CAMKMT: variants seen among roughly 807,000 people sequenced by gnomAD.
CAMKMT encodes calmodulin-lysine N-methyltransferase.
CAMKMT carries 53 observed loss-of-function variants against 48.0 expected under a neutral mutation model. The observed-to-expected ratio is 1.10, with a 90% CI of 0.89 to 1.39. The LOEUF is 1.39. Among genes scored for constraint, CAMKMT ranks in the 40% most tolerant of loss-of-function variants. The pLI is 0.00. For synonymous variants in CAMKMT, 165 were observed against 152.3 expected (o/e 1.08, Z -0.61); for missense variants, 428 against 402.7 (o/e 1.06, Z -0.54).
At chr2:44,601,083 A>G (rs547146914) in intron 3 of CAMKMT, among the ~76,000 whole-genome samples, 2 of 152,270 alleles carry the variant, frequency 1.3e-5, no homozygotes, top group Admixed American at 6.5e-5. Flanking sequence ...TAGTTGATAC[A>G]TATAATATAA....
chr2:44,758,260 T>G (rs1680465323), intron 9 of CAMKMT, among the ~76,000 whole-genome samples: 1 of 152,148 alleles, frequency 6.6e-6, no homozygotes, highest in African/African-American at 2.4e-5. Flanking sequence ...AGAAAGTAGA[T>G]GGAGAGGGGG....
At chr2:44,602,983 G>A (rs1292031805) in intron 3 of CAMKMT, among the ~76,000 whole-genome samples, 2 of 151,890 alleles carry the variant, frequency 1.3e-5, no homozygotes, top group Admixed American at 1.3e-4. Context: ...TCTCACCCAA[G>A]TATTTAAGCA....
At chr2:44,678,098 C>T (rs535200374) in intron 3 of CAMKMT, among the ~76,000 whole-genome samples, 75 of 152,210 alleles carry the variant, frequency 4.9e-4, no homozygotes, top group Non-Finnish European at 9.0e-4. Flanking sequence ...TAACTGTGTT[C>T]CTTACCTAGC....
intron 3 of CAMKMT, among the ~76,000 whole-genome samples, chr2:44,481,143 G>C (rs531297933): frequency 1.3e-5 from 2 of 152,088 alleles, no homozygotes; most frequent in Non-Finnish European, 2.9e-5. Flanking sequence ...AATTATATAA[G>C]CAAAAAAGTT....
Position 44,390,226 on chromosome 2 carries a change from T to C in CAMKMT, c.312-15T>C. The C allele has an allele frequency of 1.3e-6, 2 of 1,597,566 alleles. No individual in the cohort carries two copies. Among genetic ancestry groups the C allele is most frequent in the Non-Finnish European group, 1.7e-6 (2 of 1,172,690 alleles). ...ATTTCAGAATCATTAAAGCAAACGCTTTACTCCTTTCTAGGCATAATAGTG... is the reference window on the plus strand; with the variant it reads ...ATTTCAGAATCATTAAAGCAAACGCCTTACTCCTTTCTAGGCATAATAGTG... On this transcript the variant is annotated splice_polypyrimidine_tract_variant and intron_variant, in intron 2 of 10. Coordinates refer to ENST00000378494, the MANE Select transcript of CAMKMT (RefSeq NM_024766.5).
chr2:44,396,424 T>C (rs916180566), intron 3 of CAMKMT, among the ~76,000 whole-genome samples: 6 of 152,114 alleles, frequency 3.9e-5, no homozygotes, highest in Non-Finnish European at 8.8e-5. Flanking sequence ...TGAAAACCTG[T>C]AAGATAGAGA....
At chr2:44,489,545 C>T (rs1481310344) in intron 3 of CAMKMT, among the ~76,000 whole-genome samples, 6 of 152,122 alleles carry the variant, frequency 3.9e-5, no homozygotes, top group South Asian at 4.1e-4. Flanking sequence ...TGCGCCTGGC[C>T]GGAATACTTT....
chr2:44,375,141 C>G (rs1412257324), intron 2 of CAMKMT, among the ~76,000 whole-genome samples: 1 of 150,910 alleles, frequency 6.6e-6, no homozygotes, highest in East Asian at 1.9e-4. Flanking sequence ...GGATTACAGG[C>G]TTGAGCCACC....
At chr2:44,590,041 A>G (rs1009699925) in intron 3 of CAMKMT, among the ~76,000 whole-genome samples, 1 of 151,488 alleles carries the variant, frequency 6.6e-6, no homozygotes, top group African/African-American at 2.4e-5. Flanking sequence ...AGTTTTCTGT[A>G]CATTCCATCA....
chr2:44,706,449 G>A (rs751012129), intron 5 of CAMKMT, 108 bp downstream of exon 5: 3 of 1,062,336 alleles, frequency 2.8e-6, no homozygotes, highest in Non-Finnish European at 4.4e-6. Flanking sequence ...ATCAGCTGCG[G>A]TCAAGCTGCC....
intron 3 of CAMKMT, among the ~76,000 whole-genome samples, chr2:44,575,783 G>A (rs1193006889): frequency 1.3e-5 from 2 of 151,270 alleles, no homozygotes; most frequent in Non-Finnish European, 2.9e-5. Flanking sequence ...CTTGAGCTTC[G>A]GAGGTCAAGA....
At position 44,772,238 on chromosome 2, in the gene CAMKMT, A is replaced by G. The variant is rs1479067401; in HGVS notation, c.*125A>G. On this transcript the variant is annotated 3_prime_UTR_variant, in exon 11 of 11. Coordinates refer to ENST00000378494, the MANE Select transcript of CAMKMT (RefSeq NM_024766.5). Reference sequence around the variant, plus strand: ...CTTTGCAGCATTTCACGTGTGGGCTATGGACTCCACCTGTCCTCACCCACG... The same window carrying G: ...CTTTGCAGCATTTCACGTGTGGGCTGTGGACTCCACCTGTCCTCACCCACG... 5 of 726,444 alleles carry G rather than the reference A, an allele frequency of 6.9e-6. No individual in the cohort carries two copies. The highest frequency in any genetic ancestry group is 2.6e-5 in the East Asian group (1 of 38,310). The allele number at this position is 726,444 out of a possible 1,614,324, so 45.0% of individuals were successfully genotyped here.
chr2:44,760,272 G>A (rs1680561968), intron 9 of CAMKMT, among the ~76,000 whole-genome samples: 1 of 152,078 alleles, frequency 6.6e-6, no homozygotes, highest in Admixed American at 6.5e-5. Flanking sequence ...TGAGTGTGTG[G>A]AGTAAGAAAA....
At chr2:44,511,338 G>T (rs955495496) in intron 3 of CAMKMT, among the ~76,000 whole-genome samples, 1 of 152,212 alleles carries the variant, frequency 6.6e-6, no homozygotes, top group East Asian at 1.9e-4. Flanking sequence ...ACGCAGGCTG[G>T]CGTACAATGG....
chr2:44,620,764 A>G (rs942500686), intron 3 of CAMKMT, among the ~76,000 whole-genome samples: 1 of 152,182 alleles, frequency 6.6e-6, no homozygotes, highest in African/African-American at 2.4e-5. Context: ...TCTTTCTTCC[A>G]AAAAAGTTAA....
intron 3 of CAMKMT, among the ~76,000 whole-genome samples, chr2:44,403,827 C>G (rs959013695): frequency 2.0e-5 from 3 of 152,174 alleles, no homozygotes; most frequent in African/African-American, 7.2e-5. Context: ...CAAATCTACA[C>G]TAGAACAGCA....
intron 3 of CAMKMT, among the ~76,000 whole-genome samples, chr2:44,554,002 A>C (rs1043170798): frequency 1.3e-5 from 2 of 152,200 alleles, no homozygotes; most frequent in African/African-American, 4.8e-5. Flanking sequence ...CTTGCAAATA[A>C]AGAAGTATGG....
intron 3 of CAMKMT, among the ~76,000 whole-genome samples, chr2:44,659,735 C>T (rs1674578900): frequency 6.6e-6 from 1 of 151,992 alleles, no homozygotes; most frequent in African/African-American, 2.4e-5. Context: ...TAGATCTTTA[C>T]TGTATCACTT....
At chr2:44,508,949 A>G (rs950707221) in intron 3 of CAMKMT, among the ~76,000 whole-genome samples, 9 of 151,954 alleles carry the variant, frequency 5.9e-5, no homozygotes, top group African/African-American at 1.9e-4. Flanking sequence ...TACAAAAATT[A>G]GCCGGGTGTG....
Sources: allele counts gnomAD v4.1 joint callset (sites outside exome capture counted in the v4.1 genomes callset), GRCh38; gene constraint gnomAD v4.1.1; transcripts MANE v1.5; gene names NCBI Gene and HGNC (gene_info 2026-07-23, HGNC 2026-07-21).